Variants in AFF3 observed in about 807,000 individuals in gnomAD.
The protein encoded by AFF3 is ALF transcription elongation factor 3, also known as AF4/FMR2 family member 3.
AFF3 carries 32 observed loss-of-function variants against 129.7 expected under a neutral mutation model. That is an observed-to-expected ratio of 0.25 (90% CI 0.19 to 0.33). The LOEUF (loss-of-function observed/expected upper bound fraction) is 0.33, where lower values mean the gene tolerates loss of function less well. AFF3 is among the 10% of genes least tolerant of loss of function. AFF3 has a pLI of 1.00. For synonymous variants in AFF3, 644 were observed against 635.4 expected, an observed-to-expected ratio of 1.01 and a Z score of -0.20; for missense variants, 1,373 against 1,592.0, an observed-to-expected ratio of 0.86 and a Z score of 2.34.
chr2:99,905,204 A>G (rs1424035577), intron 7 of AFF3, among the ~76,000 whole-genome samples: 2 of 152,180 alleles, frequency 1.3e-5, no homozygotes, highest in Non-Finnish European at 2.9e-5. Context: ...TCTGTTCTGG[A>G]GGAACTTGCT....
chr2:99,990,948 C>T (rs1680283264), intron 7 of AFF3, among the ~76,000 whole-genome samples: 1 of 152,100 alleles, frequency 6.6e-6, no homozygotes, highest in African/African-American at 2.4e-5. Context: ...AGTTTAGATG[C>T]TGAACCACCA....
intron 13 of AFF3, among the ~76,000 whole-genome samples, chr2:99,648,917 A>ACACACACACACACACTCTCTCTCTCT: frequency 4.3e-5 from 2 of 46,940 alleles, no homozygotes; most frequent in African/African-American, 1.3e-4. Context: ...ACACACACAC[A>ACACACACACACACACTCTCTCTCTCT]CTCTCTCTCT....
chr2:99,975,269 C>A (rs906768888), intron 7 of AFF3, among the ~76,000 whole-genome samples: 5 of 152,078 alleles, frequency 3.3e-5, no homozygotes, highest in Non-Finnish European at 5.9e-5. Context: ...CATTTTTAAC[C>A]CTAATGAATT....
chr2:100,073,033 A>G (rs1042951024), intron 4 of AFF3, among the ~76,000 whole-genome samples: 1 of 152,182 alleles, frequency 6.6e-6, no homozygotes, highest in African/African-American at 2.4e-5. Context: ...GTGAGTGTCA[A>G]TGTTGAGGAC....
intron 4 of AFF3, among the ~76,000 whole-genome samples, chr2:100,024,824 GATTAT>G (rs1226542913): frequency 6.6e-6 from 1 of 151,982 alleles, no homozygotes; most frequent in African/African-American, 2.4e-5. Context: ...GAAAAGCATG[GATTAT>G]ATAATCTCTT....
intron 2 of AFF3, among the ~76,000 whole-genome samples, chr2:100,126,452 G>A (rs1242381412): frequency 1.3e-5 from 2 of 152,182 alleles, no homozygotes; most frequent in African/African-American, 4.8e-5. Flanking sequence ...TTCTCACAGA[G>A]CACAAATGCT....
chr2:99,999,564 TTCAGAGCTG>T (rs1168730504), intron 7 of AFF3, among the ~76,000 whole-genome samples: 11 of 152,222 alleles, frequency 7.2e-5, no homozygotes, highest in Admixed American at 2.6e-4. Context: ...AATTTCTACA[TTCAGAGCTG>T]TCAACCCATC....
intron 8 of AFF3, among the ~76,000 whole-genome samples, chr2:99,826,083 C>T (rs181852627): frequency 9.3e-4 from 142 of 152,238 alleles, no homozygotes; most frequent in Non-Finnish European, 1.6e-3. Context: ...GGTGTGATTT[C>T]GGCTTACTAC....
chr2:100,018,764 C>T (rs1034892923), intron 4 of AFF3, among the ~76,000 whole-genome samples: 1 of 152,050 alleles, frequency 6.6e-6, no homozygotes, highest in Admixed American at 6.5e-5. Flanking sequence ...ATGAGACCCA[C>T]TTGCAAAGTC....
intron 15 of AFF3, among the ~76,000 whole-genome samples, chr2:99,592,671 T>C (rs1283321264): frequency 2.0e-5 from 3 of 152,258 alleles, no homozygotes; most frequent in East Asian, 3.9e-4. Context: ...TGGTGGCTCA[T>C]GCCTGTAATC....
At chr2:99,565,759 A>G in intron 19 of AFF3, 136 bp from the exon 20 acceptor site, 5 of 975,978 alleles carry the variant, frequency 5.1e-6, no homozygotes, top group Non-Finnish European at 7.4e-6. Context: ...GAAGAAAGAA[A>G]TAGAATACTT....
intron 4 of AFF3, among the ~76,000 whole-genome samples, chr2:100,060,097 C>T (rs1041089214): frequency 2.6e-5 from 4 of 152,154 alleles, no homozygotes; most frequent in African/African-American, 9.7e-5. Flanking sequence ...AACACACCCT[C>T]CATCCTCCTT....
intron 13 of AFF3, among the ~76,000 whole-genome samples, chr2:99,635,408 C>T (rs1683560829): frequency 2.0e-5 from 3 of 152,222 alleles, no homozygotes; most frequent in South Asian, 4.2e-4. Context: ...AGCAATCTTT[C>T]CACTTCAGCC....
intron 7 of AFF3, among the ~76,000 whole-genome samples, chr2:99,922,098 C>A (rs1332951753): frequency 6.6e-6 from 1 of 152,118 alleles, no homozygotes; most frequent in African/African-American, 2.4e-5. Context: ...TATGGAGTAA[C>A]TGGAACTCTA....
chr2:100,138,260 A>T (rs967563474), intron 1 of AFF3, among the ~76,000 whole-genome samples: 2 of 152,124 alleles, frequency 1.3e-5, no homozygotes, highest in Non-Finnish European at 2.9e-5. Context: ...CAAGCATGTG[A>T]TCTAAACAGG....
rs146702089 is a variant in AFF3, at chr2:99,784,401, C to T, written c.922-32100G>A. Reference sequence around the variant, plus strand: ...TGCAGGCTCTAAATATGATAGAGCACGGTAGTCTCGCAAAGGGAATGTGCT... The same window carrying T: ...TGCAGGCTCTAAATATGATAGAGCATGGTAGTCTCGCAAAGGGAATGTGCT... On this transcript the variant is annotated intron_variant, in intron 8 of 24. Transcript: ENST00000672756. Among the ~76,000 whole-genome samples, 12 of 152,122 alleles carry T rather than the reference C, an allele frequency of 7.9e-5. No individual in the cohort carries two copies. The East Asian group carries it at 1.9e-3, about 24-fold the overall frequency.
At chr2:99,859,230 T>C (rs755405725) in intron 7 of AFF3, among the ~76,000 whole-genome samples, 31 of 152,226 alleles carry the variant, frequency 2.0e-4, no homozygotes, top group Admixed American at 2.0e-3. Flanking sequence ...TCTGGTGCAC[T>C]ACTCTTCAGA....
At chr2:99,919,623 C>A (rs1458204594) in intron 7 of AFF3, among the ~76,000 whole-genome samples, 1 of 152,000 alleles carries the variant, frequency 6.6e-6, no homozygotes, top group African/African-American at 2.4e-5. Flanking sequence ...TCTCTTTTGT[C>A]CCCTTCCTAA....
chr2:100,092,145 T>C (rs1298806991), intron 4 of AFF3, among the ~76,000 whole-genome samples: 6 of 152,178 alleles, frequency 3.9e-5, no homozygotes, highest in African/African-American at 1.4e-4. Context: ...CAATTTTATC[T>C]TCATGGTCCA....
Sources: gnomAD v4.1 joint callset for allele counts (sites outside exome capture counted in the v4.1 genomes callset) on GRCh38, gnomAD v4.1.1 for gene constraint, MANE v1.5 for transcripts, NCBI Gene and HGNC (gene_info 2026-07-23, HGNC 2026-07-21) for gene names.